TIA1: variants seen among roughly 807,000 people sequenced by gnomAD.
TIA1 encodes TIA1 cytotoxic granule associated RNA binding protein, also known as cytotoxic granule associated RNA binding protein TIA1.
Under a neutral mutation model 65.9 loss-of-function variants are expected in TIA1, and 23 were observed. The observed-to-expected ratio is 0.35, with a 90% CI of 0.25 to 0.49. TIA1 has a LOEUF of 0.49. Among genes scored for constraint, TIA1 ranks in the 20% least tolerant of loss-of-function variants. The pLI is 0.98. For synonymous variants in TIA1, 147 were observed against 149.4 expected (o/e 0.98, Z 0.12); for missense variants, 371 against 477.9 (o/e 0.78, Z 2.09).
chr2:70,244,481 A>G (rs969224786), intron 1 of TIA1, among the ~76,000 whole-genome samples: 5 of 152,178 alleles, frequency 3.3e-5, no homozygotes, highest in African/African-American at 1.2e-4. Flanking sequence ...CTTAATTACT[A>G]GCAGTTATTT....
At chr2:70,225,224 G>T (rs1036658648) in intron 6 of TIA1, 6 of 1,092,926 alleles carry the variant, frequency 5.5e-6, no homozygotes, top group Non-Finnish European at 6.7e-6. Flanking sequence ...GACAAGAAAA[G>T]ATTTTACACT....
Position 70,222,894 on chromosome 2 carries a change from A to G in TIA1, c.474+1660T>C, listed in dbSNP as rs980335008. Among the ~76,000 whole-genome samples, 31 of 152,360 alleles carry G rather than the reference A, an allele frequency of 2.0e-4. No individual in the cohort carries two copies. In the East Asian group the frequency reaches 3.9e-3, roughly 19 times the overall value. On this transcript the variant is annotated intron_variant, in intron 7 of 12. Coordinates refer to ENST00000433529, the MANE Select transcript of TIA1 (RefSeq NM_022173.4). ...GCGCCATTGCGCTCCAGCCTGGGCA[A>G]CAGAGCGAAACTCCGTCTCAAAAAA...
At chr2:70,233,486 C>T (rs1434730065) in intron 2 of TIA1, among the ~76,000 whole-genome samples, 1 of 152,106 alleles carries the variant, frequency 6.6e-6, no homozygotes, top group Non-Finnish European at 1.5e-5. Flanking sequence ...AAGTCACTTG[C>T]GGCTGGCTGT....
rs1420558378 is a variant in TIA1, at chr2:70,210,889, A to T, written c.*1830T>A. 3.3e-5 allele frequency: 5 copies of T among 152,228 alleles called. No individual in the cohort carries two copies. Among genetic ancestry groups the T allele is most frequent in the African/African-American group, 1.2e-4 (5 of 41,456 alleles). 9.4% of individuals were successfully genotyped at this position (152,228 alleles called of 1,614,324 possible). ...GACTTTTAATGTATCAACACTTAAA[A>T]ATACACAGTGACTTAATGAAATATC... On this transcript the variant is annotated 3_prime_UTR_variant, in exon 13 of 13. Transcript: ENST00000433529.
chr2:70,239,531 CA>C (rs546434315), intron 1 of TIA1, among the ~76,000 whole-genome samples: 27 of 152,314 alleles, frequency 1.8e-4, no homozygotes, highest in Admixed American at 1.2e-3. Context: ...ATTTGTCTCT[CA>C]GGTACCCTTC....
chr2:70,232,993 C>T (rs901545978), intron 2 of TIA1, among the ~76,000 whole-genome samples: 3 of 152,122 alleles, frequency 2.0e-5, no homozygotes, highest in Non-Finnish European at 4.4e-5. Flanking sequence ...TTTACACCTA[C>T]AGTGCAAAAT....
intron 2 of TIA1, among the ~76,000 whole-genome samples, chr2:70,233,509 C>T (rs922976725): frequency 1.3e-5 from 2 of 152,056 alleles, no homozygotes; most frequent in African/African-American, 4.8e-5. Flanking sequence ...TGGCTCACGC[C>T]TGTAATCCCA....
intron 1 of TIA1, among the ~76,000 whole-genome samples, chr2:70,243,672 T>C (rs1692914901): frequency 6.6e-6 from 1 of 152,208 alleles, no homozygotes; most frequent in Admixed American, 6.5e-5. Flanking sequence ...TCAAGACTTT[T>C]CATTTTTACT....
chr2:70,228,424 C>T, intron 5 of TIA1: 2 of 1,287,666 alleles, frequency 1.6e-6, no homozygotes, highest in Non-Finnish European at 2.0e-6. Flanking sequence ...GACATTACAC[C>T]ATTCAGTTTA....
intron 1 of TIA1, among the ~76,000 whole-genome samples, chr2:70,241,825 T>G (rs1691906632): frequency 6.6e-6 from 1 of 151,916 alleles, no homozygotes; most frequent in East Asian, 1.9e-4. Context: ...GCACCTGTAG[T>G]TCCAGCTACT....
In TIA1 at chr2:70,243,206, G is replaced by A. The variant is rs562516661; in HGVS notation, c.26+5199C>T. On this transcript the variant is annotated intron_variant, in intron 1 of 12. Transcript: ENST00000433529. ...TTTGGGAGGCTAAGGTGGGAAGATC[G>A]CTTGAGCCCAGGAGTTGGAGACCAG... is the stretch of plus-strand genomic sequence containing the variant. Among the ~76,000 whole-genome samples, 14 of 152,196 alleles carry A rather than the reference G, an allele frequency of 9.2e-5. No individual in the cohort carries two copies. The South Asian group carries it at 2.7e-3, about 29-fold the overall frequency.
chr2:70,244,272 A>T (rs1401800408), intron 1 of TIA1, among the ~76,000 whole-genome samples: 2 of 152,020 alleles, frequency 1.3e-5, no homozygotes, highest in Non-Finnish European at 2.9e-5. Flanking sequence ...ATTCTCTATA[A>T]ATATCCACCC....
chr2:70,210,071 C>A lies in TIA1; in HGVS notation c.*2648G>T. ...AATGCCAATTCCATTTGGTGTTAAA[C>A]AGTAACCCAATATAAACCACTGATT... On this transcript the variant is annotated 3_prime_UTR_variant, in exon 13 of 13. Transcript: ENST00000433529. 4.8e-6 allele frequency: 1 copy of A among 208,804 alleles called. No individual in the cohort carries two copies. The highest frequency in any genetic ancestry group is 2.3e-5 in the African/African-American group (1 of 43,942). 12.9% of individuals were successfully genotyped at this position (208,804 alleles called of 1,614,324 possible).
At chr2:70,241,427 C>A (rs779593604) in intron 1 of TIA1, among the ~76,000 whole-genome samples, 13 of 151,410 alleles carry the variant, frequency 8.6e-5, no homozygotes, top group Admixed American at 3.3e-4. Flanking sequence ...GGCAACAGAG[C>A]GAGACTCTGT....
At chr2:70,224,470 A>G (rs756562968) in intron 7 of TIA1, 84 bp downstream of exon 7, 1 of 1,573,560 alleles carries the variant, frequency 6.4e-7, no homozygotes, top group East Asian at 2.3e-5. Context: ...TAAACAGCAG[A>G]CGAAAAAAAG....
intron 7 of TIA1, among the ~76,000 whole-genome samples, chr2:70,219,317 G>A (rs1680155348): frequency 6.6e-6 from 1 of 152,108 alleles, no homozygotes; most frequent in Admixed American, 6.5e-5. Flanking sequence ...AGGTTAAGAG[G>A]TGACCTTGAA....
chr2:70,248,654 C>T, upstream of TIA1: 2 of 616,548 alleles, frequency 3.2e-6, no homozygotes, highest in East Asian at 2.8e-5. Context: ...GAGCAGCCAG[C>T]AAAGTTACCC....
chr2:70,217,787 A>G (rs923643094), intron 7 of TIA1, among the ~76,000 whole-genome samples: 9 of 152,134 alleles, frequency 5.9e-5, no homozygotes, highest in African/African-American at 1.9e-4. Context: ...GCTCAACCCA[A>G]TGGTGCTTTT....
At chr2:70,218,735 A>G (rs564355356) in intron 7 of TIA1, among the ~76,000 whole-genome samples, 1 of 152,344 alleles carries the variant, frequency 6.6e-6, no homozygotes, top group East Asian at 1.9e-4. Context: ...ACCCGGCAAG[A>G]AGGCCATTCT....
Sources: allele counts gnomAD v4.1 joint callset (sites outside exome capture counted in the v4.1 genomes callset), GRCh38; gene constraint gnomAD v4.1.1; transcripts MANE v1.5; gene names NCBI Gene and HGNC (gene_info 2026-07-23, HGNC 2026-07-21).